The following FAM3C variants were observed in gnomAD, a reference collection of about 807,000 sequenced individuals.
The protein encoded by FAM3C is FAM3 metabolism regulating signaling molecule C.
FAM3C carries 15 observed loss-of-function variants against 32.5 expected under a neutral mutation model. The ratio of observed to expected loss-of-function variants is 0.46; its 90% CI spans 0.31 to 0.71. The LOEUF is 0.71. FAM3C is among the 30% of genes least tolerant of loss of function. The pLI is 0.05. For missense variants in FAM3C, 175 were observed against 274.4 expected (o/e 0.64, Z 2.56); for synonymous variants, 75 against 86.1 (o/e 0.87, Z 0.72).
intron 7 of FAM3C, 27 bp from the exon 8 acceptor site, chr7:121,360,154 T>C: frequency 8.0e-7 from 1 of 1,252,268 alleles, no homozygotes; most frequent in Non-Finnish European, 1.2e-6. Context: ...GGTTTAGGGT[T>C]TTAAAAAATG....
intron 5 of FAM3C, among the ~76,000 whole-genome samples, chr7:121,365,510 G>C (rs1179848279): frequency 1.3e-5 from 2 of 151,990 alleles, no homozygotes; most frequent in African/African-American, 4.8e-5. Context: ...TGTGTAAAGA[G>C]AGAAAGCACT....
intron 2 of FAM3C, among the ~76,000 whole-genome samples, chr7:121,381,425 A>G (rs567842413): frequency 6.6e-6 from 1 of 152,206 alleles, no homozygotes; most frequent in Non-Finnish European, 1.5e-5. Flanking sequence ...GAACAGTGCC[A>G]AACACAAAAT....
intron 7 of FAM3C, among the ~76,000 whole-genome samples, chr7:121,362,511 C>A (rs1287416149): frequency 2.0e-5 from 3 of 152,006 alleles, no homozygotes; most frequent in South Asian, 4.2e-4. Context: ...AAAAAAAAAT[C>A]AATTCCTATC....
At chr7:121,371,758 G>A (rs1584698940) in intron 4 of FAM3C, among the ~76,000 whole-genome samples, 2 of 152,038 alleles carry the variant, frequency 1.3e-5, no homozygotes, top group South Asian at 4.1e-4. Flanking sequence ...GATGTGGGGG[G>A]TTCTGAATGT....
intron 2 of FAM3C, among the ~76,000 whole-genome samples, chr7:121,381,578 T>C (rs1460656136): frequency 6.6e-6 from 1 of 151,990 alleles, no homozygotes; most frequent in Non-Finnish European, 1.5e-5. Flanking sequence ...CAAATTGCCA[T>C]GCTTAAATAA....
At chr7:121,376,027 G>A (rs751519952) in intron 3 of FAM3C, among the ~76,000 whole-genome samples, 2 of 152,192 alleles carry the variant, frequency 1.3e-5, no homozygotes. Flanking sequence ...TGCTTCCAGA[G>A]CAACATGGAA....
chr7:121,366,267 G>C (rs1377627868), intron 5 of FAM3C, among the ~76,000 whole-genome samples: 1 of 152,120 alleles, frequency 6.6e-6, no homozygotes, highest in Non-Finnish European at 1.5e-5. Flanking sequence ...ACTCATTATA[G>C]TTAAAAAGTG....
At chr7:121,392,476 C>G (rs1282583860) in intron 1 of FAM3C, among the ~76,000 whole-genome samples, 1 of 152,180 alleles carries the variant, frequency 6.6e-6, no homozygotes, top group East Asian at 1.9e-4. Flanking sequence ...GGAAGCCGCC[C>G]TCATGATGCA....
chr7:121,382,549 G>T (rs979558010), intron 2 of FAM3C, among the ~76,000 whole-genome samples: 36 of 130,772 alleles, frequency 2.8e-4, no homozygotes, highest in Admixed American at 3.1e-4. Context: ...CAGTCTTTAG[G>T]TTTTTTTTTT....
At chr7:121,368,036 A>C (rs1794058847) in intron 5 of FAM3C, among the ~76,000 whole-genome samples, 1 of 152,118 alleles carries the variant, frequency 6.6e-6, no homozygotes, top group Non-Finnish European at 1.5e-5. Flanking sequence ...TTTTCCTGAG[A>C]CCTGAGGTTC....
chr7:121,360,917 C>T (rs1396547636), intron 7 of FAM3C, among the ~76,000 whole-genome samples: 1 of 152,150 alleles, frequency 6.6e-6, no homozygotes, highest in Non-Finnish European at 1.5e-5. Context: ...AGAGGATACA[C>T]AGCTTTTCTC....
At position 121,349,722 on chromosome 7, in the gene FAM3C, C is replaced by T. The variant is rs1793660340; in HGVS notation, c.*739G>A. The T allele has an allele frequency of 2.6e-5, 4 of 151,462 alleles. No homozygotes were observed. The highest frequency in any genetic ancestry group is 2.6e-4 in the Admixed American group (4 of 15,154). 9.4% of individuals were successfully genotyped at this position (151,462 alleles called of 1,614,324 possible). A position where few individuals can be genotyped will look rare whatever the true frequency, so the allele number is the denominator to read the frequency against. On this transcript the variant is annotated 3_prime_UTR_variant, in exon 10 of 10. Coordinates refer to ENST00000359943, the MANE Select transcript of FAM3C (RefSeq NM_014888.3). ...GTTGGGGAGGGGACTTGGCCTGGTT[C>T]TCCAGTTCTGTGAAGCTGCCACCTC...
intron 1 of FAM3C, among the ~76,000 whole-genome samples, chr7:121,383,543 CA>C (rs1168968013): frequency 1.3e-5 from 2 of 152,118 alleles, no homozygotes; most frequent in African/African-American, 4.8e-5. Context: ...GGGACCTCTT[CA>C]TGTTTTTCGA....
intron 7 of FAM3C, among the ~76,000 whole-genome samples, chr7:121,360,511 G>C (rs768991913): frequency 2.6e-5 from 4 of 152,106 alleles, no homozygotes; most frequent in Non-Finnish European, 4.4e-5. Context: ...AGGAGGCATG[G>C]GAGGTGTGTG....
At chr7:121,358,448 A>T (rs779008095) in intron 8 of FAM3C, among the ~76,000 whole-genome samples, 2 of 151,928 alleles carry the variant, frequency 1.3e-5, no homozygotes, top group Non-Finnish European at 2.9e-5. Context: ...AGAAAAAATT[A>T]TTTTTTTCTA....
chr7:121,396,189 C>G lies in FAM3C; in HGVS notation c.-69G>C, dbSNP rs1404014168. The G allele has an allele frequency of 6.5e-6, 1 of 153,448 alleles. No homozygotes were observed. The highest frequency in any genetic ancestry group is 2.1e-4 in the South Asian group (1 of 4,840). 9.5% of individuals were successfully genotyped at this position (153,448 alleles called of 1,614,324 possible). A position where few individuals can be genotyped will look rare whatever the true frequency, so the allele number is the denominator to read the frequency against. On this transcript the variant is annotated 5_prime_UTR_variant, in exon 1 of 10. Transcript: ENST00000359943. Reference sequence around the variant, plus strand: ...GCCTCCCGCCCGCCTCTCCGCCGCGCGCGCCCGCCTTCCGGCCTCCCAGCG... The same window carrying G: ...GCCTCCCGCCCGCCTCTCCGCCGCGGGCGCCCGCCTTCCGGCCTCCCAGCG...
At chr7:121,351,314 G>C (rs781638542) in intron 8 of FAM3C, 45 bp from the exon 9 acceptor site, 1 of 1,578,980 alleles carries the variant, frequency 6.3e-7, no homozygotes, top group African/African-American at 1.3e-5. Context: ...AGAGGGAACT[G>C]TATGCTAATA....
chr7:121,375,154 T>C (rs912911846), intron 3 of FAM3C, among the ~76,000 whole-genome samples: 2 of 152,166 alleles, frequency 1.3e-5, no homozygotes, highest in East Asian at 1.9e-4. Flanking sequence ...CAAATTGAAA[T>C]ATAAGTACTA....
At chr7:121,353,569 G>C (rs77692830) in intron 8 of FAM3C, among the ~76,000 whole-genome samples, 1 of 152,278 alleles carries the variant, frequency 6.6e-6, no homozygotes, top group African/African-American at 2.4e-5. Flanking sequence ...GATAAGAATG[G>C]TTCATTGTGT....
Sources: gnomAD v4.1 joint callset for allele counts (sites outside exome capture counted in the v4.1 genomes callset) on GRCh38, gnomAD v4.1.1 for gene constraint, MANE v1.5 for transcripts, NCBI Gene and HGNC (gene_info 2026-07-23, HGNC 2026-07-21) for gene names.